SLC4A5: variants seen among roughly 807,000 people sequenced by gnomAD.
SLC4A5 encodes the protein electrogenic sodium bicarbonate cotransporter 4.
Under a neutral mutation model 120.4 loss-of-function variants are expected in SLC4A5, and 96 were observed. The observed-to-expected ratio is 0.80, with a 90% CI of 0.68 to 0.94. The LOEUF (loss-of-function observed/expected upper bound fraction) is 0.94, where lower values mean the gene tolerates loss of function less well. Ranked by LOEUF, SLC4A5 falls within the 40% of genes least tolerant of loss-of-function variation. SLC4A5 has a pLI of 0.00. For synonymous variants in SLC4A5, 550 were observed against 571.1 expected (o/e 0.96, Z 0.53); for missense variants, 1,259 against 1,459.5 (o/e 0.86, Z 2.24).
chr2:74,340,900 G>T (rs770424563), intron 2 of SLC4A5, among the ~76,000 whole-genome samples: 3 of 152,134 alleles, frequency 2.0e-5, no homozygotes, highest in Admixed American at 6.5e-5. Context: ...CTTTAGGTAG[G>T]ACTGGAAATT....
chr2:74,304,558 G>C (rs781776539), exon 7 of SLC4A5: 42 of 1,614,074 alleles, frequency 2.6e-5, no homozygotes, highest in Non-Finnish European at 3.2e-5. Context: ...GTCAGTTCCT[G>C]CTGTGGCTGG....
In SLC4A5 at chr2:74,299,656, A is replaced by C. The variant is rs1350006004; in HGVS notation, c.271+4833T>G. Among the ~76,000 whole-genome samples, 3 of 152,230 alleles carry C rather than the reference A, an allele frequency of 2.0e-5. No homozygotes were observed. The East Asian group carries it at 5.8e-4, about 29-fold the overall frequency. On this transcript the variant is annotated intron_variant, in intron 7 of 30. Coordinates refer to ENST00000394019, the Ensembl canonical transcript of SLC4A5. Reference sequence around the variant, plus strand: ...AATCATCAGGGAAATGCAAATTAAAACCAAAACCATAGTGAGATGTCACCC... The same window carrying C: ...AATCATCAGGGAAATGCAAATTAAACCCAAAACCATAGTGAGATGTCACCC...
exon 27 of SLC4A5, chr2:74,227,112 G>A (rs1694870116): frequency 6.2e-7 from 1 of 1,613,034 alleles, no homozygotes; most frequent in South Asian, 1.1e-5. Flanking sequence ...ATCAGGAAGA[G>A]CTTGCAGCGT....
At chr2:74,288,682 G>C (rs1324277490) in intron 7 of SLC4A5, among the ~76,000 whole-genome samples, 1 of 152,030 alleles carries the variant, frequency 6.6e-6, no homozygotes, top group Non-Finnish European at 1.5e-5. Context: ...GTTATTTGTG[G>C]TGTCATTTTA....
intron 6 of SLC4A5, among the ~76,000 whole-genome samples, chr2:74,310,098 A>G (rs1672762364): frequency 6.6e-6 from 1 of 152,190 alleles, no homozygotes; most frequent in Non-Finnish European, 1.5e-5. Context: ...TAAATTTCAA[A>G]TTCCAATGGC....
chr2:74,324,928 G>A (rs1456676061), intron 5 of SLC4A5, among the ~76,000 whole-genome samples: 1 of 152,164 alleles, frequency 6.6e-6, no homozygotes, highest in Non-Finnish European at 1.5e-5. Context: ...TGATAAGCTT[G>A]GAAGTTACTA....
intron 5 of SLC4A5, among the ~76,000 whole-genome samples, chr2:74,319,150 G>C (rs763309378): frequency 6.6e-6 from 1 of 152,102 alleles, no homozygotes; most frequent in Non-Finnish European, 1.5e-5. Context: ...TTATAAGTGG[G>C]AGCTAACAAT....
At chr2:74,317,291 C>T (rs1672992436) in intron 5 of SLC4A5, among the ~76,000 whole-genome samples, 1 of 152,064 alleles carries the variant, frequency 6.6e-6, no homozygotes, top group Non-Finnish European at 1.5e-5. Flanking sequence ...ATTTATTTTA[C>T]TTTTGTTGTG....
At chr2:74,287,245 G>A (rs933286516) in intron 7 of SLC4A5, among the ~76,000 whole-genome samples, 1 of 152,054 alleles carries the variant, frequency 6.6e-6, no homozygotes, top group Non-Finnish European at 1.5e-5. Context: ...AACCAGCCAG[G>A]CAATGCCCAA....
At chr2:74,264,819 G>A (rs1284323870) in intron 9 of SLC4A5, among the ~76,000 whole-genome samples, 1 of 152,138 alleles carries the variant, frequency 6.6e-6, no homozygotes, top group Non-Finnish European at 1.5e-5. Flanking sequence ...GGTTGTCATG[G>A]CAAGAGGTAT....
At chr2:74,289,134 T>G (rs1015888079) in intron 7 of SLC4A5, among the ~76,000 whole-genome samples, 4 of 152,116 alleles carry the variant, frequency 2.6e-5, no homozygotes, top group Non-Finnish European at 5.9e-5. Context: ...AGCAGTAGAG[T>G]GTGCTTTTAA....
intron 19 of SLC4A5, among the ~76,000 whole-genome samples, chr2:74,242,563 T>C (rs1670480907): frequency 6.6e-6 from 1 of 152,192 alleles, no homozygotes; most frequent in Admixed American, 6.5e-5. Context: ...ACACAGTTCA[T>C]ACTCGGAGCC....
At chr2:74,221,606 C>A in intron 29 of SLC4A5, 105 bp from the exon 30 acceptor site, 1 of 1,117,650 alleles carries the variant, frequency 8.9e-7, no homozygotes, top group Non-Finnish European at 1.3e-6. Context: ...ACCCTAGAGC[C>A]AACACTATGC....
intron 7 of SLC4A5, among the ~76,000 whole-genome samples, chr2:74,287,473 G>T (rs1324859097): frequency 6.6e-6 from 1 of 152,206 alleles, no homozygotes; most frequent in East Asian, 1.9e-4. Flanking sequence ...ACAGGTAAGA[G>T]AATGAAATGC....
intron 7 of SLC4A5, among the ~76,000 whole-genome samples, chr2:74,295,228 G>A (rs1558900131): frequency 6.6e-6 from 1 of 152,016 alleles, no homozygotes; most frequent in Non-Finnish European, 1.5e-5. Context: ...GGGGGTGGGA[G>A]TTGCCAAAAA....
rs778293501 is a variant in SLC4A5, at chr2:74,224,897, C to CT, written c.3188dup (p.Glu1064GlyfsTer17). 6.2e-7 allele frequency: 1 copy of CT among 1,614,076 alleles called. No individual in the cohort carries two copies. Among genetic ancestry groups the CT allele is most frequent in the South Asian group, 1.1e-5 (1 of 91,072 alleles). On this transcript the variant is annotated frameshift_variant, in exon 28 of 31. Coordinates refer to ENST00000394019, the Ensembl canonical transcript of SLC4A5. LOFTEE classifies it high-confidence loss of function. ...TTCTCTTCCTCTTCTTGTCTGTCTC[C>CT]TTTTTTTCCTTCTCTGGGAGGATGT...
chr2:74,309,987 C>G (rs377439029), intron 6 of SLC4A5, among the ~76,000 whole-genome samples: 1 of 152,026 alleles, frequency 6.6e-6, no homozygotes, highest in Non-Finnish European at 1.5e-5. Context: ...TTACTTAGAT[C>G]TTTGATTTCT....
At chr2:74,252,118 G>A (rs1670810273) in intron 16 of SLC4A5, 61 bp downstream of exon 16, 2 of 1,552,630 alleles carry the variant, frequency 1.3e-6, no homozygotes, top group South Asian at 1.2e-5. Context: ...TCCCTAGAGG[G>A]CAGCTGAGAA....
At chr2:74,332,798 T>C (rs1558918558) in intron 4 of SLC4A5, among the ~76,000 whole-genome samples, 1 of 152,044 alleles carries the variant, frequency 6.6e-6, no homozygotes, top group Non-Finnish European at 1.5e-5. Flanking sequence ...AGTCCTGTGA[T>C]GTGTATGGCC....
Sources: gnomAD v4.1 joint callset for allele counts (sites outside exome capture counted in the v4.1 genomes callset) on GRCh38, gnomAD v4.1.1 for gene constraint, MANE v1.5 for transcripts, NCBI Gene and HGNC (gene_info 2026-07-23, HGNC 2026-07-21) for gene names.